COL14A1: variants seen among roughly 807,000 people sequenced by gnomAD.
The protein encoded by COL14A1 is collagen alpha-1(XIV) chain.
COL14A1 carries 136 observed loss-of-function variants against 230.3 expected under a neutral mutation model. The observed-to-expected ratio is 0.59, with a 90% CI of 0.51 to 0.68. COL14A1 has a LOEUF of 0.68. Among genes scored for constraint, COL14A1 ranks in the 30% least tolerant of loss-of-function variants. The pLI is 0.00. For missense variants in COL14A1, 1,976 were observed against 2,215.8 expected (o/e 0.89, Z 2.17); for synonymous variants, 792 against 784.1 (o/e 1.01, Z -0.17).
intron 31 of COL14A1, among the ~76,000 whole-genome samples, chr8:120,282,616 G>T (rs896444371): frequency 6.6e-6 from 1 of 151,962 alleles, no homozygotes; most frequent in East Asian, 1.9e-4. Context: ...ATTTTCAAAC[G>T]CACGCTAAAC....
intron 5 of COL14A1, among the ~76,000 whole-genome samples, chr8:120,177,666 A>C (rs1816326023): frequency 6.8e-6 from 1 of 146,528 alleles, no homozygotes; most frequent in Admixed American, 7.0e-5. Flanking sequence ...AAAAAAAAAA[A>C]AAAAAAGACT....
rs150151740 is a variant in COL14A1, at chr8:120,129,320, C to G, written c.-38+3980C>G. Among the ~76,000 whole-genome samples, 501 of 152,200 alleles carry G rather than the reference C, an allele frequency of 3.3e-3. 7 individuals are homozygous for G. Among genetic ancestry groups the G allele is most frequent in the African/African-American group, 0.011 (476 of 41,520 alleles). On this transcript the variant is annotated intron_variant, in intron 1 of 47. Coordinates refer to ENST00000297848, the MANE Select transcript of COL14A1 (RefSeq NM_021110.4). ...TGTCTAAACTGAGATGTAAAGCTAC[C>G]CTTTATACTGATTACAGATGTACAT...
intron 5 of COL14A1, among the ~76,000 whole-genome samples, chr8:120,177,896 A>T (rs1438997499): frequency 1.3e-5 from 2 of 151,952 alleles, no homozygotes; most frequent in African/African-American, 4.8e-5. Context: ...CACATCCATA[A>T]TCATGTTGGT....
rs1238867635 is a variant in COL14A1 at position 120,203,811 on chromosome 8, T to C, written c.980T>C (p.Val327Ala). The change falls in exon 9 of 48, where the codon GTG (valine) becomes GCG (alanine). Residue 327 changes from valine (V) to alanine (A), a missense_variant. Around this residue, in one of 3 missense-constraint regions of COL14A1, gnomAD observed 1,791 missense variants for 2,019.5 expected, o/e 0.89. Transcript: ENST00000297848. ...GAATTCGATCTGATGCACACAGTTG[T>C]GGAGAGTCTGACCAGGACTCTCTGC... Reference protein sequence around the residue: ...VAEFDLMHTVVESLTRTLCSR... With the variant: ...VAEFDLMHTVAESLTRTLCSR... 1 of 1,613,924 alleles carries C rather than the reference T, an allele frequency of 6.2e-7. No homozygotes were observed. The highest frequency in any genetic ancestry group is 8.5e-7 in the Non-Finnish European group (1 of 1,179,910).
chr8:120,297,317 G>C (rs982397628), intron 34 of COL14A1, among the ~76,000 whole-genome samples, 194 bp from the exon 35 acceptor site: 1 of 151,888 alleles, frequency 6.6e-6, no homozygotes, highest in Non-Finnish European at 1.5e-5. Context: ...ATGAATAATT[G>C]TAGACAAAAT....
intron 44 of COL14A1, among the ~76,000 whole-genome samples, chr8:120,344,857 A>G (rs1224515398): frequency 6.6e-6 from 1 of 152,022 alleles, no homozygotes; most frequent in Non-Finnish European, 1.5e-5. Flanking sequence ...CAGATTTTTT[A>G]AAAATATAAA....
At chr8:120,340,109 A>AGTGTGTGTGT (rs10665249) in intron 42 of COL14A1, among the ~76,000 whole-genome samples, 1 of 143,946 alleles carries the variant, frequency 6.9e-6, no homozygotes, top group Non-Finnish European at 1.5e-5. Context: ...TGAGTGAGTG[A>AGTGTGTGTGT]GTGTGTGTGT....
intron 5 of COL14A1, among the ~76,000 whole-genome samples, chr8:120,173,942 C>A (rs1003446011): frequency 3.9e-5 from 6 of 152,144 alleles, no homozygotes; most frequent in African/African-American, 1.4e-4. Context: ...TATATCATAT[C>A]TGTGTTCAAA....
intron 12 of COL14A1, among the ~76,000 whole-genome samples, chr8:120,210,840 CAT>C (rs915602684): frequency 2.2e-4 from 34 of 151,984 alleles, no homozygotes; most frequent in Admixed American, 2.0e-3. Flanking sequence ...GTATTGGTGA[CAT>C]GTGTCTTTTT....
At chr8:120,356,203 G>A (rs1822980095) in intron 45 of COL14A1, among the ~76,000 whole-genome samples, 1 of 152,212 alleles carries the variant, frequency 6.6e-6, no homozygotes, top group South Asian at 2.1e-4. Context: ...CATTTATTAA[G>A]CAACTATGTG....
intron 45 of COL14A1, among the ~76,000 whole-genome samples, chr8:120,358,281 G>A (rs1413247364): frequency 1.3e-5 from 2 of 152,024 alleles, no homozygotes; most frequent in Non-Finnish European, 2.9e-5. Flanking sequence ...TTCTTGAATT[G>A]GCCCTTATTG....
Position 120,278,562 on chromosome 8 carries a change from G to A in COL14A1, c.3465G>A (p.Arg1155=), listed in dbSNP as rs779023098. 23 of 1,612,180 alleles carry A rather than the reference G, an allele frequency of 1.4e-5. No individual in the cohort carries two copies. The East Asian group carries it at 5.1e-4, about 36-fold the overall frequency. Reference sequence around the variant, plus strand: ...AAGATGATGTGAACAAAATCTCCAGGGAGATGCAATTAGATGGTAAGATAT... The same window carrying A: ...AAGATGATGTGAACAAAATCTCCAGAGAGATGCAATTAGATGGTAAGATAT... ...RSQDDVNKIS[R]EMQLDGYSIF... Residue 1155 remains arginine (R), a synonymous_variant, in exon 28 of 48, where the codon AGG becomes AGA. Coordinates refer to ENST00000297848, the MANE Select transcript of COL14A1 (RefSeq NM_021110.4).
intron 14 of COL14A1, among the ~76,000 whole-genome samples, chr8:120,216,906 G>C (rs1446603324): frequency 6.6e-6 from 1 of 152,168 alleles, no homozygotes; most frequent in Admixed American, 6.5e-5. Flanking sequence ...AGTAGAAGCT[G>C]TACCACCATT....
At chr8:120,231,343 T>C in intron 18 of COL14A1, 124 bp from the exon 19 acceptor site, 2 of 1,017,052 alleles carry the variant, frequency 2.0e-6, no homozygotes, top group Non-Finnish European at 1.4e-6. Context: ...TCTTGCCTCA[T>C]ATACAACTAT....
intron 23 of COL14A1, among the ~76,000 whole-genome samples, 153 bp from the exon 24 acceptor site, chr8:120,262,715 G>T (rs1271590354): frequency 6.6e-6 from 1 of 152,182 alleles, no homozygotes; most frequent in African/African-American, 2.4e-5. Context: ...CTCTTTGGAA[G>T]AAGATACAAT....
chr8:120,181,955 AC>A (rs1191574606), intron 5 of COL14A1, among the ~76,000 whole-genome samples: 1 of 151,804 alleles, frequency 6.6e-6, no homozygotes, highest in Admixed American at 6.6e-5. Flanking sequence ...CCTCCCCGTC[AC>A]CCCCCTCCCC....
In COL14A1 at chr8:120,330,739, G is replaced by A. The variant is rs79195642; in HGVS notation, c.4660-1402G>A. Among the ~76,000 whole-genome samples, 39 of 152,108 alleles carry A rather than the reference G, an allele frequency of 2.6e-4. 1 individual carries two copies. In the East Asian group the frequency reaches 7.0e-3, roughly 27 times the overall value. The stretch of plus-strand genomic sequence containing the variant: ...ACTCACACACCGTTTCCTTTCCCTC[G>A]GCCTTATCATTGCTGTCTTTTATTT... On this transcript the variant is annotated intron_variant, in intron 40 of 47. Transcript: ENST00000297848.
intron 40 of COL14A1, among the ~76,000 whole-genome samples, chr8:120,319,961 C>A (rs907848195): frequency 2.0e-5 from 3 of 152,194 alleles, no homozygotes; most frequent in Admixed American, 2.0e-4. Context: ...AATCTTGTCA[C>A]TGCTGTCATC....
chr8:120,368,265 A>C (rs779480821), intron 46 of COL14A1, among the ~76,000 whole-genome samples: 8 of 152,162 alleles, frequency 5.3e-5, no homozygotes, highest in Non-Finnish European at 1.2e-4. Flanking sequence ...AGTCTTAGCC[A>C]CATTAAGTAA....
Sources: gnomAD v4.1 joint callset for allele counts (sites outside exome capture counted in the v4.1 genomes callset) on GRCh38, gnomAD v4.1.1 for gene constraint, gnomAD v4.1.1 regional missense constraint, MANE v1.5 for transcripts, NCBI Gene and HGNC (gene_info 2026-07-23, HGNC 2026-07-21) for gene names.